Variants in SFSWAP observed in about 807,000 individuals in gnomAD.
SFSWAP encodes the protein splicing factor, suppressor of white-apricot homolog.
Under a neutral mutation model 100.7 loss-of-function variants are expected in SFSWAP, and 17 were observed. That is an observed-to-expected ratio of 0.17 (90% CI 0.12 to 0.25). The LOEUF (loss-of-function observed/expected upper bound fraction) is 0.25, where lower values mean the gene tolerates loss of function less well. Among genes scored for constraint, SFSWAP ranks in the 10% least tolerant of loss-of-function variants. The pLI is 1.00. For synonymous variants in SFSWAP, 504 were observed against 510.1 expected (o/e 0.99, Z 0.16); for missense variants, 1,005 against 1,262.6 (o/e 0.80, Z 3.09).
At chr12:131,763,387 A>G (rs1422212813) in intron 11 of SFSWAP, among the ~76,000 whole-genome samples, 1 of 152,152 alleles carries the variant, frequency 6.6e-6, no homozygotes, top group African/African-American at 2.4e-5. Context: ...ATAACAACTG[A>G]TGGTTTTTTA....
At position 131,719,559 on chromosome 12, in the gene SFSWAP, A is replaced by C. The variant is rs1479321839; in HGVS notation, c.606+20A>C. On this transcript the variant is annotated intron_variant, in intron 4 of 17. Coordinates refer to ENST00000261674, the MANE Select transcript of SFSWAP (RefSeq NM_004592.4). ...GAGTTGGTATGTGTCCTGCATGAGC[A>C]CTAGTTGTCGTCATTATTATTTATC... 1.3e-6 allele frequency: 2 copies of C among 1,563,194 alleles called. No homozygotes were observed. Among genetic ancestry groups the C allele is most frequent in the Admixed American group, 1.7e-5 (1 of 59,856 alleles).
In SFSWAP at chr12:131,714,094, A is replaced by G; in HGVS notation, c.242A>G (p.His81Arg). The change falls in exon 2 of 18, where the codon CAT (histidine) becomes CGT (arginine). Residue 81 changes from histidine to arginine, a missense_variant. This residue lies in a region of SFSWAP where 237 missense variants were observed against 337.0 expected (regional missense o/e 0.70). Transcript: ENST00000261674. The surrounding 1 kb of genome is among the most constrained non-coding windows in gnomAD (Gnocchi z 6.0). ...AGATATGATGGACGTGGTCACCTGC[A>G]TGACCTTTCTGAGTACGATGCTGAG... The part of the protein sequence containing the change: ...IDRYDGRGHL[H>R]DLSEYDAEYS... 6.2e-7 allele frequency: 1 copy of G among 1,613,788 alleles called. No individual in the cohort carries two copies. The highest frequency in any genetic ancestry group is 8.5e-7 in the Non-Finnish European group (1 of 1,179,856).
Position 131,714,046 on chromosome 12 carries a change from A to C in SFSWAP, c.219-25A>C, listed in dbSNP as rs1451317025. 1.9e-6 allele frequency: 3 copies of C among 1,602,030 alleles called. No individual in the cohort carries two copies. The highest frequency in any genetic ancestry group is 2.2e-5 in the South Asian group (2 of 90,346). ...CCAGTCTAGACGTTAATTTCCTTTT[A>C]TTGACCAGCTTGTTCACATTACAGA... On this transcript the variant is annotated intron_variant, in intron 1 of 17. Coordinates refer to ENST00000261674, the MANE Select transcript of SFSWAP (RefSeq NM_004592.4). The surrounding 1 kb of genome is among the most constrained non-coding windows in gnomAD (Gnocchi z 6.0).
rs1012169391 is a variant in SFSWAP at position 131,733,429 on chromosome 12, G to A, written c.1081+5001G>A. ...TGTCATTTGTAGGAGGAAATTTCAC[G>A]ATCATAAAGCACGGCATGCATCCTG... is the stretch of plus-strand genomic sequence containing the variant. On this transcript the variant is annotated intron_variant, in intron 7 of 17. Coordinates refer to ENST00000261674, the MANE Select transcript of SFSWAP (RefSeq NM_004592.4). The surrounding 1 kb of genome is among the most constrained non-coding windows in gnomAD (Gnocchi z 5.1). Among the ~76,000 whole-genome samples, 8 of 152,148 alleles carry A rather than the reference G, an allele frequency of 5.3e-5. No homozygotes were observed. The highest frequency in any genetic ancestry group is 1.9e-4 in the East Asian group (1 of 5,178).
intron 6 of SFSWAP, among the ~76,000 whole-genome samples, chr12:131,727,638 CA>C (rs899511237): frequency 1.6e-4 from 24 of 150,758 alleles, no homozygotes; most frequent in African/African-American, 5.8e-4. Context: ...GAGTGAGACT[CA>C]AAAAGAAAAA....
intron 7 of SFSWAP, among the ~76,000 whole-genome samples, chr12:131,736,914 A>G (rs1880078213): frequency 2.6e-5 from 4 of 151,106 alleles, no homozygotes; most frequent in Admixed American, 2.6e-4. Context: ...GATTTGTGCC[A>G]GCGATGTGGT....
chr12:131,732,821 G>T (rs1216588556), intron 7 of SFSWAP, among the ~76,000 whole-genome samples: 1 of 152,206 alleles, frequency 6.6e-6, no homozygotes, highest in Non-Finnish European at 1.5e-5. Context: ...TGTGGGCTTT[G>T]CACTTGGGAA....
intron 6 of SFSWAP, 58 bp downstream of exon 6, chr12:131,727,110 A>G: frequency 3.2e-6 from 3 of 941,236 alleles, no homozygotes; most frequent in Non-Finnish European, 5.1e-6. Flanking sequence ...CTGCTAATGT[A>G]ATTTTGGAAA....
chr12:131,736,919 T>C (rs1880079316), intron 7 of SFSWAP, among the ~76,000 whole-genome samples: 3 of 151,056 alleles, frequency 2.0e-5, no homozygotes, highest in Admixed American at 2.0e-4. Context: ...GTGCCAGCGA[T>C]GTGGTACTTG....
At chr12:131,787,304 C>T (rs113784858) in intron 15 of SFSWAP, among the ~76,000 whole-genome samples, 11 of 151,462 alleles carry the variant, frequency 7.3e-5, no homozygotes, top group Non-Finnish European at 1.6e-4. Context: ...CCGCTCACCC[C>T]GGCTTCCAGT....
intron 4 of SFSWAP, among the ~76,000 whole-genome samples, chr12:131,723,577 C>G (rs1470915149): frequency 6.6e-6 from 1 of 152,116 alleles, no homozygotes; most frequent in Non-Finnish European, 1.5e-5. Flanking sequence ...TTTTTTCTCC[C>G]CTAACCCCGT....
At position 131,713,299 on chromosome 12, in the gene SFSWAP, T is replaced by C. The variant is rs149150266; in HGVS notation, c.219-772T>C. 1.3e-3 allele frequency: 191 copies of C among 152,376 alleles called. 1 individual carries two copies. Among genetic ancestry groups the C allele is most frequent in the African/African-American group, 4.1e-3 (172 of 41,588 alleles). The allele number at this position is 152,376 out of a possible 1,614,324, so 9.4% of individuals were successfully genotyped here. A position where few individuals can be genotyped will look rare whatever the true frequency, so the allele number is the denominator to read the frequency against. On this transcript the variant is annotated intron_variant, in intron 1 of 17. Transcript: ENST00000261674. ...TAGCAGAAAGTGCTCCCATTACTTATTTGGCCAAACTACTGTTTGGTCCAT... is the reference window on the plus strand; with the variant it reads ...TAGCAGAAAGTGCTCCCATTACTTACTTGGCCAAACTACTGTTTGGTCCAT...
At chr12:131,717,773 C>G (rs1005863015) in intron 3 of SFSWAP, among the ~76,000 whole-genome samples, 14 of 152,180 alleles carry the variant, frequency 9.2e-5, no homozygotes, top group Admixed American at 3.9e-4. Context: ...CTCTGTCACC[C>G]AGGCTGGAAT....
chr12:131,746,598 A>G (rs1306410284), intron 7 of SFSWAP, among the ~76,000 whole-genome samples: 1 of 152,038 alleles, frequency 6.6e-6, no homozygotes. Context: ...TTACTTCTGT[A>G]TTTTGCTGGA....
intron 7 of SFSWAP, among the ~76,000 whole-genome samples, chr12:131,745,403 A>G (rs915825199): frequency 1.3e-5 from 2 of 152,232 alleles, no homozygotes; most frequent in African/African-American, 4.8e-5. Context: ...GAAAAGAGAA[A>G]CTTGCAGAAG....
chr12:131,713,919 CT>C (rs758410650), intron 1 of SFSWAP, 151 bp from the exon 2 acceptor site: 10 of 457,698 alleles, frequency 2.2e-5, no homozygotes, highest in Non-Finnish European at 3.3e-5. Context: ...AAATATAAAT[CT>C]GGGAAGAGTT....
chr12:131,726,376 AT>A, intron 5 of SFSWAP, among the ~76,000 whole-genome samples: 1 of 152,184 alleles, frequency 6.6e-6, no homozygotes, highest in South Asian at 2.1e-4. Flanking sequence ...CGCCCGGCTA[AT>A]TTTTGTATTT....
chr12:131,795,389 C>CACACAGGA, intron 15 of SFSWAP, among the ~76,000 whole-genome samples: 1 of 152,236 alleles, frequency 6.6e-6, no homozygotes, highest in South Asian at 2.1e-4. Context: ...CGGACAGAAA[C>CACACAGGA]GCTCAGTCCC....
chr12:131,728,759 G>A (rs1020823078), intron 7 of SFSWAP, among the ~76,000 whole-genome samples: 1 of 151,442 alleles, frequency 6.6e-6, no homozygotes, highest in Non-Finnish European at 1.5e-5. Context: ...AGAGTGCAGG[G>A]ATGCAAGCAT....
Sources: gnomAD v4.1 joint callset for allele counts (sites outside exome capture counted in the v4.1 genomes callset) on GRCh38, gnomAD v4.1.1 for gene constraint, gnomAD v4.1.1 regional missense constraint, Gnocchi (gnomAD v3.1) non-coding constraint, MANE v1.5 for transcripts, NCBI Gene and HGNC (gene_info 2026-07-23, HGNC 2026-07-21) for gene names.